RYR3: variants seen among roughly 807,000 people sequenced by gnomAD.
RYR3 encodes the protein brain ryanodine receptor-calcium release channel.
In RYR3, 207 loss-of-function variants were observed where a neutral mutation model predicts 584.3. The ratio of observed to expected loss-of-function variants is 0.35; its 90% confidence interval spans 0.32 to 0.40. The LOEUF (loss-of-function observed/expected upper bound fraction) is 0.40, where lower values mean the gene tolerates loss of function less well. Ranked by LOEUF, RYR3 falls within the 10% of genes least tolerant of loss-of-function variation. The pLI, the probability that RYR3 is intolerant of heterozygous loss-of-function variation, is 1.00. For synonymous variants in RYR3, 2,416 were observed against 2,248.5 expected (o/e 1.07, Z -2.11); for missense variants, 5,616 against 6,089.2 (o/e 0.92, Z 2.59).
chr15:33,546,061 A>C (rs572527670), intron 8 of RYR3, among the ~76,000 whole-genome samples: 2 of 152,278 alleles, frequency 1.3e-5, no homozygotes, highest in East Asian at 3.9e-4. Context: ...CTTGCCGCCC[A>C]CTATACTCCT....
intron 42 of RYR3, among the ~76,000 whole-genome samples, chr15:33,705,813 C>T (rs981394796): frequency 2.6e-5 from 4 of 152,218 alleles, no homozygotes; most frequent in African/African-American, 7.2e-5. Context: ...CTCAAGGGCC[C>T]ACTCTGGGTC....
At chr15:33,567,759 C>T (rs1363200333) in intron 12 of RYR3, among the ~76,000 whole-genome samples, 2 of 152,188 alleles carry the variant, frequency 1.3e-5, no homozygotes, top group East Asian at 1.9e-4. Flanking sequence ...AATGCAGATT[C>T]TTAGGTTTTA....
At chr15:33,821,421 T>C in intron 79 of RYR3, 52 bp downstream of exon 79, 1 of 1,583,690 alleles carries the variant, frequency 6.3e-7, no homozygotes, top group Admixed American at 1.8e-5. Context: ...AAAGATATCA[T>C]GCTGTGACAT....
chr15:33,486,771 G>A (rs2050461910), intron 2 of RYR3, among the ~76,000 whole-genome samples: 1 of 152,152 alleles, frequency 6.6e-6, no homozygotes, highest in Non-Finnish European at 1.5e-5. Flanking sequence ...GCCCCACCTT[G>A]TGAGCCTGAG....
At chr15:33,800,693 C>A in intron 67 of RYR3, 77 bp from the exon 68 acceptor site, 1 of 1,002,776 alleles carries the variant, frequency 1.0e-6, no homozygotes, top group Non-Finnish European at 1.6e-6. Context: ...GTCTCCAGTG[C>A]TGGTATAATT....
chr15:33,523,076 T>G (rs574179024), intron 3 of RYR3, among the ~76,000 whole-genome samples: 1 of 152,066 alleles, frequency 6.6e-6, no homozygotes, highest in South Asian at 2.1e-4. Context: ...TTGGAGAAAT[T>G]TTATGTCTGC....
intron 1 of RYR3, among the ~76,000 whole-genome samples, chr15:33,450,087 TAAAAAAAAA>T (rs10647466): frequency 6.8e-4 from 46 of 67,312 alleles, no homozygotes; most frequent in South Asian, 4.6e-3. Flanking sequence ...CATTAATACC[TAAAAAAAAA>T]AAAAAAAAAA....
chr15:33,554,090 A>G (rs1292143498), intron 10 of RYR3, among the ~76,000 whole-genome samples: 1 of 152,112 alleles, frequency 6.6e-6, no homozygotes, highest in Admixed American at 6.5e-5. Flanking sequence ...GTGAGAGGAA[A>G]ACCTGCTCAT....
intron 90 of RYR3, 169 bp from the exon 91 acceptor site, chr15:33,841,695 A>G (rs1249931252): frequency 9.9e-6 from 6 of 608,228 alleles, no homozygotes; most frequent in Non-Finnish European, 1.4e-5. Flanking sequence ...ATTGAATATA[A>G]ATTTAATGTC....
chr15:33,334,456 T>C (rs1421844814), intron 1 of RYR3, among the ~76,000 whole-genome samples: 3 of 152,298 alleles, frequency 2.0e-5, no homozygotes, highest in East Asian at 3.9e-4. Context: ...CAATAAATGA[T>C]GCTGGGATAA....
chr15:33,595,749 A>G (rs1205245151), intron 16 of RYR3, among the ~76,000 whole-genome samples: 1 of 152,194 alleles, frequency 6.6e-6, no homozygotes, highest in Non-Finnish European at 1.5e-5. Context: ...AGAGCCCTGT[A>G]ACTCAATGTT....
Position 33,638,726 on chromosome 15 carries a change from T to C in RYR3, c.3556+2176T>C, listed in dbSNP as rs182397678. Among the ~76,000 whole-genome samples the C allele has an allele frequency of 2.4e-3, 369 of 152,152 alleles. 2 individuals carry two copies. Among genetic ancestry groups the C allele is most frequent in the Non-Finnish European group, 3.9e-3 (266 of 68,002 alleles). ...TATTAAGGAGCTCATTTTTTAGTTG[T>C]AAAAAAAGACGATAATAATGCAGAG... On this transcript the variant is annotated intron_variant, in intron 27 of 103. Coordinates refer to ENST00000634891, the MANE Select transcript of RYR3 (RefSeq NM_001036.6).
chr15:33,665,956 A>T (rs531074554), intron 36 of RYR3, among the ~76,000 whole-genome samples: 1 of 152,288 alleles, frequency 6.6e-6, no homozygotes, highest in Non-Finnish European at 1.5e-5. Context: ...TTGAGCAAGC[A>T]TCAGAATCAT....
At position 33,837,632 on chromosome 15, in the gene RYR3, G is replaced by A. The variant is rs747827735; in HGVS notation, c.11652G>A (p.Gly3884=). 3.8e-6 allele frequency: 6 copies of A among 1,583,008 alleles called. No individual in the cohort carries two copies. Among genetic ancestry groups the A allele is most frequent in the Admixed American group, 1.8e-5 (1 of 55,264 alleles). The part of the protein sequence containing the change: ...MVVMLLSLLE[G]NVVNGTIGKQ... ...TGTCTTTTTGAACCTGCCTCACAGG[G>A]AATGTGGTAAATGGCACCATTGGCA... is the stretch of plus-strand genomic sequence containing the variant. The change falls in exon 89 of 104, where the codon GGG becomes GGA. Residue 3884 remains glycine (G), a splice_region_variant and synonymous_variant. Transcript: ENST00000634891.
Position 33,662,784 on chromosome 15 carries a change from C to T in RYR3, c.5254C>T (p.Pro1752Ser). The change falls in exon 35 of 104, where the codon CCC becomes TCC. Residue 1752 changes from proline (P) to serine (S), a missense_variant. Transcript: ENST00000634891. ...TCGGCAGATCCTCCTCCTGATTGAT[C>T]CCTCTGTGTTTGGGGAGCATAGTGC... ...DVRQILLLID[P>S]SVFGEHSAGT... 1 of 1,613,968 alleles carries T rather than the reference C, an allele frequency of 6.2e-7. No homozygotes were observed. Among genetic ancestry groups the T allele is most frequent in the Non-Finnish European group, 8.5e-7 (1 of 1,179,920 alleles).
intron 3 of RYR3, among the ~76,000 whole-genome samples, chr15:33,519,624 TG>T (rs752359042): frequency 1.3e-3 from 172 of 134,378 alleles, no homozygotes; most frequent in Middle Eastern, 4.7e-3. Flanking sequence ...GCTTTTATGT[TG>T]TTTTTTTTTT....
At chr15:33,691,464 C>T (rs1210808097) in intron 38 of RYR3, among the ~76,000 whole-genome samples, 1 of 152,166 alleles carries the variant, frequency 6.6e-6, no homozygotes, top group East Asian at 1.9e-4. Context: ...GGTCAAATTT[C>T]ATTATTGGCA....
chr15:33,680,998 G>A (rs544190659), intron 38 of RYR3, among the ~76,000 whole-genome samples: 1 of 152,332 alleles, frequency 6.6e-6, no homozygotes, highest in Non-Finnish European at 1.5e-5. Context: ...ATGGTGCACA[G>A]CAGTTCTGCA....
At chr15:33,632,144 A>G (rs74706760) in intron 23 of RYR3, among the ~76,000 whole-genome samples, 249 of 152,338 alleles carry the variant, frequency 1.6e-3, no homozygotes, top group Non-Finnish European at 2.7e-3. Flanking sequence ...TAGACCCTGC[A>G]TCTCATGTTG....
Sources: allele counts gnomAD v4.1 joint callset (sites outside exome capture counted in the v4.1 genomes callset), GRCh38; gene constraint gnomAD v4.1.1; transcripts MANE v1.5; gene names NCBI Gene and HGNC (gene_info 2026-07-23, HGNC 2026-07-21).